The following CBR4 variants were observed in gnomAD, a reference collection of about 807,000 sequenced individuals.
The protein encoded by CBR4 is 3-oxoacyl-[acyl-carrier-protein] reductase.
Under a neutral mutation model 21.0 loss-of-function variants are expected in CBR4, and 22 were observed. The ratio of observed to expected loss-of-function variants is 1.05; its 90% CI spans 0.75 to 1.50. The LOEUF is 1.50. CBR4 is among the 40% of genes most tolerant of loss of function. CBR4 has a pLI of 0.00. For synonymous variants in CBR4, 100 were observed against 104.4 expected (o/e 0.96, Z 0.26); for missense variants, 302 against 286.3 (o/e 1.05, Z -0.40).
At chr4:168,998,671 G>A (rs1307077436) in intron 4 of CBR4, among the ~76,000 whole-genome samples, 1 of 152,116 alleles carries the variant, frequency 6.6e-6, no homozygotes, top group Non-Finnish European at 1.5e-5. Context: ...TTAAATGGGT[G>A]AATTGTATGG....
chr4:168,902,908 G>A (rs9994694), intron 2 of CBR4, among the ~76,000 whole-genome samples: 2,600 of 152,060 alleles, frequency 0.017, 60 homozygotes, highest in African/African-American at 0.043. Context: ...AATAGCTAGG[G>A]CTATAGACAT....
rs531766964 is a variant in CBR4, at chr4:168,935,954, T to TGCCTCCTGACTGGGAGAC, written n.170-41207_170-41190dup. On this transcript the variant is annotated intron_variant and non_coding_transcript_variant, in intron 2 of 3. Coordinates refer to the CBR4 transcript ENST00000509108. Reference sequence around the variant, plus strand: ...TCCTCAAGTGGGTCCCTGACCCCCATGCCTCCTGACTGGGAGACACCTCCT... The same window carrying TGCCTCCTGACTGGGAGAC: ...TCCTCAAGTGGGTCCCTGACCCCCATGCCTCCTGACTGGGAGACGCCTCCTGACTGGGAGACACCTCCT... 2.5e-4 allele frequency among the ~76,000 whole-genome samples: 38 copies of TGCCTCCTGACTGGGAGAC among 152,314 alleles called. No homozygotes were observed. In the South Asian group the frequency reaches 7.7e-3, roughly 31 times the overall value.
chr4:168,939,398 C>T (rs1013171105), intron 2 of CBR4, among the ~76,000 whole-genome samples: 5 of 152,070 alleles, frequency 3.3e-5, no homozygotes, highest in East Asian at 1.9e-4. Context: ...AAGACAAGAA[C>T]GCCCACTCTC....
At position 168,903,905 on chromosome 4, in the gene CBR4, A is replaced by G. The variant is rs761530979; in HGVS notation, n.170-9140T>C. On this transcript the variant is annotated intron_variant and non_coding_transcript_variant, in intron 2 of 3. Transcript: ENST00000509108. ...TATACAATTATGGCTGCAAACCCTCAGGTAAAGAAGGGTATAGGTCTGGGC... is the reference window on the plus strand; with the variant it reads ...TATACAATTATGGCTGCAAACCCTCGGGTAAAGAAGGGTATAGGTCTGGGC... 1.7e-5 allele frequency: 28 copies of G among 1,613,620 alleles called. No homozygotes were observed. The highest frequency in any genetic ancestry group is 2.3e-5 in the Non-Finnish European group (27 of 1,179,654).
intron 2 of CBR4, chr4:168,898,680 T>C: frequency 1.2e-6 from 2 of 1,614,034 alleles, no homozygotes; most frequent in Non-Finnish European, 1.7e-6. Flanking sequence ...CCAGTAACTT[T>C]CACATGTAGA....
At chr4:168,951,462 T>C (rs1763539465) in intron 2 of CBR4, among the ~76,000 whole-genome samples, 1 of 152,212 alleles carries the variant, frequency 6.6e-6, no homozygotes, top group Non-Finnish European at 1.5e-5. Flanking sequence ...CTGTGTACTG[T>C]GGTTTTTTGT....
chr4:168,911,754 T>A (rs1452926782), intron 2 of CBR4, among the ~76,000 whole-genome samples: 2 of 152,226 alleles, frequency 1.3e-5, no homozygotes, highest in Non-Finnish European at 2.9e-5. Context: ...GTGCTTCAGG[T>A]ACAGTTAATC....
intron 1 of CBR4, chr4:169,008,866 TAGAGAG>T: frequency 2.4e-6 from 1 of 409,368 alleles, no homozygotes; most frequent in Non-Finnish European, 4.7e-6. Context: ...TTTTTTCTTT[TAGAGAG>T]CCCAATAGTC....
At chr4:168,966,301 C>T (rs1313896221) in intron 2 of CBR4, among the ~76,000 whole-genome samples, 1 of 134,948 alleles carries the variant, frequency 7.4e-6, no homozygotes, top group East Asian at 2.2e-4. Flanking sequence ...ACCACGAGGT[C>T]AGGAGATCAA....
At chr4:168,976,286 G>A (rs1342403888) in intron 2 of CBR4, among the ~76,000 whole-genome samples, 3 of 152,184 alleles carry the variant, frequency 2.0e-5, no homozygotes, top group Non-Finnish European at 2.9e-5. Context: ...CTCGAGCTAA[G>A]GACTGGGAGT....
At chr4:168,963,426 G>A (rs148552686) in intron 2 of CBR4, among the ~76,000 whole-genome samples, 142 of 151,650 alleles carry the variant, frequency 9.4e-4, no homozygotes, top group African/African-American at 3.2e-3. Context: ...TAGAGCACCT[G>A]AGTTCCCAAG....
rs757941691 is a variant in CBR4 at position 168,926,258 on chromosome 4, G to A, written n.170-31493C>T. On this transcript the variant is annotated intron_variant and non_coding_transcript_variant, in intron 2 of 3. Transcript: ENST00000509108. Reference sequence around the variant, plus strand: ...CAGAGCACCAAGCCAAAAAAAGTACGGCCCTCAGCCAGTCGCTATGCAGCA... The same window carrying A: ...CAGAGCACCAAGCCAAAAAAAGTACAGCCCTCAGCCAGTCGCTATGCAGCA... 66 of 1,536,290 alleles carry A rather than the reference G, an allele frequency of 4.3e-5. No individual in the cohort carries two copies. Among genetic ancestry groups the A allele is most frequent in the Non-Finnish European group, 5.4e-5 (62 of 1,146,472 alleles).
rs1228506802 is a variant in CBR4, at chr4:168,965,282, C to G, written n.169+36789G>C. ...GGACACAAACAAATGTAAAAACATTCCATTCTCATGAAGAATCAATATCGT... is the reference window on the plus strand; with the variant it reads ...GGACACAAACAAATGTAAAAACATTGCATTCTCATGAAGAATCAATATCGT... On this transcript the variant is annotated intron_variant and non_coding_transcript_variant, in intron 2 of 3. Coordinates refer to the CBR4 transcript ENST00000509108. Among the ~76,000 whole-genome samples the G allele has an allele frequency of 3.3e-5, 5 of 152,222 alleles. No homozygotes were observed. The South Asian group carries it at 1.0e-3, about 32-fold the overall frequency.
chr4:168,914,992 A>G (rs1016008807), intron 2 of CBR4, among the ~76,000 whole-genome samples: 1 of 152,218 alleles, frequency 6.6e-6, no homozygotes, highest in African/African-American at 2.4e-5. Context: ...CATATACAGG[A>G]TTAGGTCCAT....
rs1764788733 is a variant in CBR4 at position 168,988,956 on chromosome 4, A to G, written c.*1194T>C. 7.1e-6 allele frequency: 7 copies of G among 983,240 alleles called. No individual in the cohort carries two copies. Among genetic ancestry groups the G allele is most frequent in the Non-Finnish European group, 8.5e-6 (7 of 827,988 alleles). The allele number at this position is 983,240 out of a possible 1,614,324, so 60.9% of individuals were successfully genotyped here. A position where few individuals can be genotyped will look rare whatever the true frequency, so the allele number is the denominator to read the frequency against. ...CAACATGAATGGAGTGACACTGAAA[A>G]TATCATACTATTCCCGATAAAAAGA... On this transcript the variant is annotated 3_prime_UTR_variant, in exon 5 of 5. Transcript: ENST00000306193.
intron 2 of CBR4, chr4:168,921,815 T>C: frequency 8.8e-7 from 1 of 1,132,248 alleles, no homozygotes; most frequent in African/African-American, 1.5e-5. Context: ...AATTCTACAT[T>C]ACTAACCAAT....
intron 2 of CBR4, among the ~76,000 whole-genome samples, chr4:168,958,768 T>C (rs1005496285): frequency 2.0e-5 from 3 of 152,246 alleles, no homozygotes; most frequent in Non-Finnish European, 4.4e-5. Context: ...TATCTCATTG[T>C]GGTTTTACTT....
chr4:168,957,649 CTGT>C (rs1292453369), intron 2 of CBR4, among the ~76,000 whole-genome samples: 1 of 152,210 alleles, frequency 6.6e-6, no homozygotes, highest in African/African-American at 2.4e-5. Context: ...GCCCAGACAA[CTGT>C]TGTTCTGCTT....
chr4:168,956,996 C>A (rs371721405), intron 2 of CBR4, among the ~76,000 whole-genome samples: 1 of 152,102 alleles, frequency 6.6e-6, no homozygotes, highest in South Asian at 2.1e-4. Context: ...TATACATGAA[C>A]AAGATTCCTA....
Sources: allele counts gnomAD v4.1 joint callset (sites outside exome capture counted in the v4.1 genomes callset), GRCh38; gene constraint gnomAD v4.1.1; transcripts MANE v1.5; gene names NCBI Gene and HGNC (gene_info 2026-07-23, HGNC 2026-07-21).